The following PDE4B variants were observed in gnomAD, a reference collection of about 807,000 sequenced individuals.
PDE4B encodes 3',5'-cyclic-AMP phosphodiesterase 4B.
A neutral mutation model predicts 82.2 loss-of-function variants in PDE4B; 20 were observed. The observed-to-expected ratio is 0.24, with a 90% CI of 0.17 to 0.35. The LOEUF (loss-of-function observed/expected upper bound fraction) is 0.35. Among genes scored for constraint, PDE4B ranks in the 10% least tolerant of loss-of-function variants. The pLI, the probability that PDE4B is intolerant of heterozygous loss-of-function variation, is 1.00. For synonymous variants in PDE4B, 320 were observed against 318.9 expected, an observed-to-expected ratio of 1.00 and a Z score of -0.04; for missense variants, 655 against 907.2, an observed-to-expected ratio of 0.72 and a Z score of 3.57.
intron 3 of PDE4B, among the ~76,000 whole-genome samples, chr1:66,134,814 T>C (rs1214411770): frequency 6.6e-6 from 1 of 152,228 alleles, no homozygotes; most frequent in Non-Finnish European, 1.5e-5. Context: ...AATACTTTGT[T>C]TGGTCTAGGC....
chr1:65,798,201 A>G (rs1393033963), intron 1 of PDE4B, among the ~76,000 whole-genome samples: 3 of 118,734 alleles, frequency 2.5e-5, no homozygotes, highest in African/African-American at 8.7e-5. Context: ...TATTTTTTTT[A>G]GTAGAGATGG....
chr1:65,829,506 C>T (rs953634062), intron 1 of PDE4B, among the ~76,000 whole-genome samples: 3 of 152,088 alleles, frequency 2.0e-5, no homozygotes, highest in Non-Finnish European at 4.4e-5. Flanking sequence ...TTATTTTTCT[C>T]CAGTGAACAC....
intron 3 of PDE4B, among the ~76,000 whole-genome samples, chr1:66,004,469 T>C (rs1020743122): frequency 6.6e-6 from 1 of 152,166 alleles, no homozygotes; most frequent in East Asian, 1.9e-4. Flanking sequence ...TTATGTGTTA[T>C]GGTGTGTAAT....
chr1:66,150,847 G>A (rs72679117), intron 3 of PDE4B, among the ~76,000 whole-genome samples: 15,133 of 151,936 alleles, frequency 0.1, 1,066 homozygotes, highest in East Asian at 0.16. Context: ...ATTAACTTTC[G>A]TATGTTAAAC....
intron 3 of PDE4B, among the ~76,000 whole-genome samples, chr1:66,153,662 C>T (rs867569177): frequency 5.3e-5 from 8 of 152,138 alleles, no homozygotes; most frequent in South Asian, 2.1e-4. Context: ...TAGCCCAGTG[C>T]GGAAGGCAGA....
intron 8 of PDE4B, among the ~76,000 whole-genome samples, chr1:66,346,173 A>G (rs938688552): frequency 6.6e-6 from 1 of 152,152 alleles, no homozygotes; most frequent in Non-Finnish European, 1.5e-5. Flanking sequence ...TCATTTGGTT[A>G]TGTTTTTCAT....
chr1:66,175,965 G>A (rs1646924268), intron 3 of PDE4B, among the ~76,000 whole-genome samples: 1 of 151,990 alleles, frequency 6.6e-6, no homozygotes. Context: ...GATTTTTTAG[G>A]AGAAAAAAAG....
At chr1:65,966,585 G>A (rs1056412627) in intron 3 of PDE4B, among the ~76,000 whole-genome samples, 2 of 152,118 alleles carry the variant, frequency 1.3e-5, no homozygotes, top group Non-Finnish European at 2.9e-5. Context: ...AGCTCGTATA[G>A]CCAAGACAAT....
intron 3 of PDE4B, among the ~76,000 whole-genome samples, chr1:66,124,212 G>A (rs1428416917): frequency 1.3e-5 from 2 of 152,100 alleles, no homozygotes; most frequent in Non-Finnish European, 1.5e-5. Flanking sequence ...AGGGAAGTCG[G>A]GAAGACACCA....
chr1:66,043,481 T>C (rs898002171), intron 3 of PDE4B, among the ~76,000 whole-genome samples: 3 of 151,770 alleles, frequency 2.0e-5, no homozygotes, highest in African/African-American at 7.2e-5. Flanking sequence ...TTTCAACTTA[T>C]ATAACTTCCA....
intron 3 of PDE4B, among the ~76,000 whole-genome samples, chr1:66,139,876 A>C (rs897219516): frequency 2.0e-5 from 3 of 152,170 alleles, no homozygotes; most frequent in South Asian, 2.1e-4. Context: ...AATATTTTTC[A>C]TCAGGCATCC....
chr1:65,855,909 C>T (rs879743742), intron 1 of PDE4B, among the ~76,000 whole-genome samples: 22 of 152,138 alleles, frequency 1.4e-4, no homozygotes, highest in Admixed American at 1.4e-3. Flanking sequence ...ATAGTGATTG[C>T]AGTCCTGTAT....
chr1:66,331,047 T>G (rs1236160258), intron 7 of PDE4B, among the ~76,000 whole-genome samples: 1 of 152,240 alleles, frequency 6.6e-6, no homozygotes, highest in East Asian at 1.9e-4. Flanking sequence ...AACTATTCTT[T>G]GAAATATGCG....
intron 3 of PDE4B, among the ~76,000 whole-genome samples, chr1:66,173,331 A>ATATTAAATATT (rs1181411834): frequency 1.3e-5 from 2 of 152,232 alleles, no homozygotes; most frequent in Non-Finnish European, 2.9e-5. Context: ...GTGAGGGACC[A>ATATTAAATATT]TAAAGATATT....
chr1:66,013,841 A>G (rs904051319), intron 3 of PDE4B, among the ~76,000 whole-genome samples: 1 of 152,088 alleles, frequency 6.6e-6, no homozygotes, highest in African/African-American at 2.4e-5. Context: ...GAGTCATATG[A>G]TAATTCTATT....
At chr1:65,896,479 G>C (rs1037870908) in intron 1 of PDE4B, among the ~76,000 whole-genome samples, 1 of 152,144 alleles carries the variant, frequency 6.6e-6, no homozygotes, top group Admixed American at 6.6e-5. Flanking sequence ...AACCATATCA[G>C]TGTGTATATA....
chr1:66,237,547 G>T (rs1652555245), intron 3 of PDE4B, among the ~76,000 whole-genome samples: 1 of 152,146 alleles, frequency 6.6e-6, no homozygotes, highest in Non-Finnish European at 1.5e-5. Flanking sequence ...AAAGGTCAAA[G>T]ACTTGTGAAA....
intron 3 of PDE4B, among the ~76,000 whole-genome samples, chr1:66,041,719 G>A (rs1049215479): frequency 6.6e-6 from 1 of 151,368 alleles, no homozygotes; most frequent in African/African-American, 2.4e-5. Flanking sequence ...ACAACATATA[G>A]CATGTCATTT....
Position 66,372,731 on chromosome 1 carries a change from A to G in PDE4B, c.*53A>G. The G allele has an allele frequency of 6.4e-7, 1 of 1,562,524 alleles. No homozygotes were observed. Among genetic ancestry groups the G allele is most frequent in the East Asian group, 2.2e-5 (1 of 44,488 alleles). On this transcript the variant is annotated 3_prime_UTR_variant, in exon 17 of 17. Coordinates refer to ENST00000341517, the MANE Select transcript of PDE4B (RefSeq NM_002600.4). ...TCTATCCTTGATGAGCATGCCAGCT[A>G]TGTGGTAGGGCCAGCCCACCATGGG...
Sources: allele counts gnomAD v4.1 joint callset (sites outside exome capture counted in the v4.1 genomes callset), GRCh38; gene constraint gnomAD v4.1.1; transcripts MANE v1.5; gene names NCBI Gene and HGNC (gene_info 2026-07-23, HGNC 2026-07-21).